The following STEAP1B variants were observed in gnomAD, a reference collection of about 807,000 sequenced individuals.
STEAP1B encodes STEAP family member 1B, also known as STEAP family protein MGC87042.
A neutral mutation model predicts 27.9 loss-of-function variants in STEAP1B; 13 were observed. That is an observed-to-expected ratio of 0.47 (90% CI 0.30 to 0.74). The LOEUF (loss-of-function observed/expected upper bound fraction) is 0.74, where lower values mean the gene tolerates loss of function less well. Ranked by LOEUF, STEAP1B falls within the 30% of genes least tolerant of loss-of-function variation. The pLI is 0.06. For synonymous variants in STEAP1B, 86 were observed against 107.1 expected (o/e 0.80, Z 1.22); for missense variants, 250 against 298.7 (o/e 0.84, Z 1.20).
intron 4 of STEAP1B, among the ~76,000 whole-genome samples, chr7:22,470,563 G>A (rs1012378874): frequency 6.6e-6 from 1 of 152,076 alleles, no homozygotes; most frequent in Non-Finnish European, 1.5e-5. Flanking sequence ...TTGAGGTCAG[G>A]AGTTCCAGAC....
intron 4 of STEAP1B, chr7:22,438,717 A>C: frequency 3.9e-6 from 6 of 1,551,694 alleles, no homozygotes; most frequent in Non-Finnish European, 5.2e-6. Context: ...TAGTGGCCTG[A>C]AAGTTGCACA....
At chr7:22,454,827 TTATATA>T (rs58507500) in intron 4 of STEAP1B, among the ~76,000 whole-genome samples, 18,431 of 88,290 alleles carry the variant, frequency 0.21, 1,765 homozygotes, top group African/African-American at 0.34. Flanking sequence ...AAAGAAAATA[TTATATA>T]TATATATATA....
chr7:22,486,221 G>A (rs1337036366), intron 4 of STEAP1B, among the ~76,000 whole-genome samples: 1 of 152,180 alleles, frequency 6.6e-6, no homozygotes, highest in East Asian at 1.9e-4. Context: ...TAGAGAGAAA[G>A]TCGCTTGCGT....
chr7:22,428,322 T>G (rs983440673), intron 4 of STEAP1B, among the ~76,000 whole-genome samples: 1 of 152,186 alleles, frequency 6.6e-6, no homozygotes, highest in African/African-American at 2.4e-5. Flanking sequence ...AAGTATAACT[T>G]TCCAAAACTG....
At chr7:22,488,984 C>T (rs1786270549) in intron 4 of STEAP1B, among the ~76,000 whole-genome samples, 1 of 152,198 alleles carries the variant, frequency 6.6e-6, no homozygotes. Context: ...ATGCAGTACC[C>T]TTGGATAAGT....
intron 1 of STEAP1B, among the ~76,000 whole-genome samples, chr7:22,496,558 A>G (rs1184091905): frequency 1.7e-4 from 26 of 152,212 alleles, no homozygotes; most frequent in Admixed American, 1.7e-3. Flanking sequence ...TTTATCTTTT[A>G]TACGATATAT....
At chr7:22,435,918 T>A (rs1005423856) in intron 4 of STEAP1B, among the ~76,000 whole-genome samples, 3 of 152,194 alleles carry the variant, frequency 2.0e-5, no homozygotes, top group Non-Finnish European at 4.4e-5. Flanking sequence ...AGTTTCCTAA[T>A]GTACCTGCCA....
At chr7:22,456,804 G>T (rs1785585868) in intron 4 of STEAP1B, among the ~76,000 whole-genome samples, 1 of 150,986 alleles carries the variant, frequency 6.6e-6, no homozygotes. Flanking sequence ...TAGTGCCACA[G>T]GGATGGCTAG....
At chr7:22,460,894 C>A (rs139811890) in intron 4 of STEAP1B, among the ~76,000 whole-genome samples, 74 of 152,234 alleles carry the variant, frequency 4.9e-4, no homozygotes, top group African/African-American at 1.7e-3. Context: ...TAAGATATAC[C>A]TTTTCATTGT....
intron 4 of STEAP1B, among the ~76,000 whole-genome samples, chr7:22,462,659 C>G (rs1374800445): frequency 2.0e-5 from 3 of 147,756 alleles, no homozygotes; most frequent in Non-Finnish European, 4.5e-5. Flanking sequence ...GGTTCCAAGT[C>G]TTTGCTATTG....
chr7:22,477,996 G>C (rs1460565024), intron 4 of STEAP1B, among the ~76,000 whole-genome samples: 1 of 152,140 alleles, frequency 6.6e-6, no homozygotes. Context: ...GTGCTGTGCT[G>C]CTCAGCTGAA....
chr7:22,429,446 T>G (rs1467426002), intron 4 of STEAP1B, among the ~76,000 whole-genome samples: 3 of 152,238 alleles, frequency 2.0e-5, no homozygotes, highest in Non-Finnish European at 4.4e-5. Context: ...ACAGTAATCT[T>G]CTATTATCCA....
intron 4 of STEAP1B, among the ~76,000 whole-genome samples, chr7:22,441,245 A>T (rs1785329456): frequency 6.6e-6 from 1 of 152,108 alleles, no homozygotes; most frequent in Non-Finnish European, 1.5e-5. Flanking sequence ...TTCTAGGTTT[A>T]CCCTGGCCAC....
chr7:22,428,666 T>C (rs1785140117), intron 4 of STEAP1B, among the ~76,000 whole-genome samples: 1 of 151,910 alleles, frequency 6.6e-6, no homozygotes, highest in Non-Finnish European at 1.5e-5. Context: ...ATTTAAAAAA[T>C]AAAGCACGCA....
At chr7:22,462,427 T>C (rs1785694738) in intron 4 of STEAP1B, among the ~76,000 whole-genome samples, 2 of 122,370 alleles carry the variant, frequency 1.6e-5, no homozygotes, top group African/African-American at 3.1e-5. Context: ...TTCCCCTTCC[T>C]GTGTCCATGT....
chr7:22,479,293 C>T (rs766082612), intron 4 of STEAP1B, among the ~76,000 whole-genome samples: 2 of 152,076 alleles, frequency 1.3e-5, no homozygotes, highest in Non-Finnish European at 2.9e-5. Flanking sequence ...AACGTGATGC[C>T]GGCGCTGCAA....
At chr7:22,448,887 T>C (rs969732554) in intron 4 of STEAP1B, among the ~76,000 whole-genome samples, 3 of 152,312 alleles carry the variant, frequency 2.0e-5, no homozygotes, top group Non-Finnish European at 4.4e-5. Context: ...TGAGGGGCCA[T>C]GGGACACACG....
chr7:22,430,727 C>A (rs1291290024), intron 4 of STEAP1B, among the ~76,000 whole-genome samples: 1 of 152,202 alleles, frequency 6.6e-6, no homozygotes, highest in African/African-American at 2.4e-5. Flanking sequence ...CTGTTTCCTG[C>A]TGCTTAAAGA....
At chr7:22,434,335 G>A (rs1785227413) in intron 4 of STEAP1B, among the ~76,000 whole-genome samples, 1 of 152,160 alleles carries the variant, frequency 6.6e-6, no homozygotes, top group Non-Finnish European at 1.5e-5. Flanking sequence ...CACAAGAAAG[G>A]CAAATGAGTG....
Sources: allele counts gnomAD v4.1 joint callset (sites outside exome capture counted in the v4.1 genomes callset), GRCh38; gene constraint gnomAD v4.1.1; transcripts MANE v1.5; gene names NCBI Gene and HGNC (gene_info 2026-07-23, HGNC 2026-07-21).